NAV3: variants seen among roughly 807,000 people sequenced by gnomAD.
The protein encoded by NAV3 is neuron navigator 3.
Under a neutral mutation model 244.7 loss-of-function variants are expected in NAV3, and 87 were observed. The ratio of observed to expected loss-of-function variants is 0.36; its 90% CI spans 0.30 to 0.42. The LOEUF (loss-of-function observed/expected upper bound fraction) is 0.42, where lower values mean the gene tolerates loss of function less well. NAV3 is among the 20% of genes least tolerant of loss of function. The pLI, the probability that NAV3 is intolerant of heterozygous loss-of-function variation, is 1.00. For missense variants in NAV3, 2,663 were observed against 2,893.3 expected (o/e 0.92, Z 1.83); for synonymous variants, 1,126 against 1,042.2 (o/e 1.08, Z -1.55).
intron 12 of NAV3, among the ~76,000 whole-genome samples, chr12:78,095,095 A>G (rs1954178377): frequency 6.7e-6 from 1 of 149,970 alleles, no homozygotes; most frequent in Admixed American, 6.7e-5. Context: ...ACACATATAT[A>G]TATACACATA....
intron 1 of NAV3, among the ~76,000 whole-genome samples, chr12:77,934,328 C>T (rs1349566732): frequency 3.9e-5 from 6 of 152,158 alleles, no homozygotes; most frequent in Non-Finnish European, 7.4e-5. Context: ...CTCTATACAT[C>T]CTTCCTGTCC....
At chr12:77,836,746 T>C (rs1318458336) in intron 1 of NAV3, among the ~76,000 whole-genome samples, 11 of 152,220 alleles carry the variant, frequency 7.2e-5, no homozygotes, top group Admixed American at 7.2e-4. Flanking sequence ...TATTTAAGAT[T>C]ATTTCAAAGG....
intron 2 of NAV3, among the ~76,000 whole-genome samples, chr12:77,690,146 A>C (rs1208518545): frequency 1.3e-5 from 2 of 151,848 alleles, no homozygotes; most frequent in African/African-American, 4.8e-5. Flanking sequence ...GAAAAAATGC[A>C]GATTTTCAGT....
At chr12:78,110,216 C>A (rs1386165031) in intron 12 of NAV3, among the ~76,000 whole-genome samples, 2 of 151,668 alleles carry the variant, frequency 1.3e-5, no homozygotes, top group South Asian at 2.1e-4. Context: ...AATTAAAATA[C>A]CTGGGAATAA....
chr12:77,859,758 C>CAAAAAAAAAAAAAAAAA (rs61516625), intron 1 of NAV3, among the ~76,000 whole-genome samples: 1 of 68,722 alleles, frequency 1.5e-5, no homozygotes, highest in African/African-American at 4.9e-5. Context: ...CTTTCAAATG[C>CAAAAAAAAAAAAAAAAA]AAAAAAAAAA....
rs942407800 is a variant in NAV3, at chr12:77,930,377, G to A, written c.244-9942G>A. Among the ~76,000 whole-genome samples, 5 of 151,460 alleles carry A rather than the reference G, an allele frequency of 3.3e-5. No homozygotes were observed. In the East Asian group the frequency reaches 9.7e-4, roughly 29 times the overall value. On this transcript the variant is annotated intron_variant, in intron 1 of 39. Coordinates refer to ENST00000397909, the MANE Select transcript of NAV3 (RefSeq NM_001024383.2). Reference sequence around the variant, plus strand: ...CAGAGTTTGTTGTTTTTTTTCTATAGAGCTAATAATTGCCTCACTTTTTTA... The same window carrying A: ...CAGAGTTTGTTGTTTTTTTTCTATAAAGCTAATAATTGCCTCACTTTTTTA...
intron 2 of NAV3, among the ~76,000 whole-genome samples, chr12:77,615,196 A>G (rs529608320): frequency 1.3e-5 from 2 of 152,330 alleles, no homozygotes; most frequent in East Asian, 3.9e-4. Context: ...TTATTTTGTA[A>G]TTAGAAAAAT....
At chr12:77,997,824 A>G (rs775464976) in intron 6 of NAV3, among the ~76,000 whole-genome samples, 19 of 152,212 alleles carry the variant, frequency 1.2e-4, no homozygotes, top group Non-Finnish European at 1.5e-4. Flanking sequence ...TAAGTAACTT[A>G]GATACTCAGT....
chr12:77,919,313 TC>T (rs1887477255), intron 1 of NAV3, among the ~76,000 whole-genome samples: 2 of 152,014 alleles, frequency 1.3e-5, no homozygotes, highest in Non-Finnish European at 1.5e-5. Flanking sequence ...TCCACATTAG[TC>T]CCACCAAATG....
chr12:78,183,163 CA>C (rs1435404507), intron 30 of NAV3, among the ~76,000 whole-genome samples: 1 of 151,706 alleles, frequency 6.6e-6, no homozygotes, highest in Non-Finnish European at 1.5e-5. Flanking sequence ...TAGTAAAAAA[CA>C]AAACAAAACA....
At chr12:77,584,871 A>G (rs914622079) in intron 2 of NAV3, among the ~76,000 whole-genome samples, 5 of 152,162 alleles carry the variant, frequency 3.3e-5, no homozygotes, top group Non-Finnish European at 7.4e-5. Context: ...TGTAGGGTAA[A>G]AGGATTGTCA....
chr12:77,869,178 G>T (rs374298336), intron 1 of NAV3, among the ~76,000 whole-genome samples: 2 of 152,092 alleles, frequency 1.3e-5, no homozygotes. Flanking sequence ...TCAGTTCTTA[G>T]ATTTACCTCT....
At chr12:77,626,078 AATC>A (rs1871606089) in intron 2 of NAV3, among the ~76,000 whole-genome samples, 2 of 152,304 alleles carry the variant, frequency 1.3e-5, no homozygotes, top group African/African-American at 4.8e-5. Context: ...CTAAATGAAA[AATC>A]AACAAAGAGA....
chr12:77,678,544 C>T (rs1284093477), intron 2 of NAV3, among the ~76,000 whole-genome samples: 2 of 152,110 alleles, frequency 1.3e-5, no homozygotes, highest in Non-Finnish European at 1.5e-5. Flanking sequence ...ACAGGAATCC[C>T]CTACTTCCTT....
intron 22 of NAV3, among the ~76,000 whole-genome samples, chr12:78,155,335 C>T (rs1957260396): frequency 6.6e-6 from 1 of 152,056 alleles, no homozygotes; most frequent in South Asian, 2.1e-4. Context: ...CATCCATGTC[C>T]CTCCAAAGGA....
chr12:77,854,587 A>ATG (rs111504963), intron 1 of NAV3, among the ~76,000 whole-genome samples: 63,600 of 128,336 alleles, frequency 0.5, 14,060 homozygotes, highest in Non-Finnish European at 0.6. Flanking sequence ...GTATGTGTGT[A>ATG]TGTGTGTGTG....
intron 2 of NAV3, among the ~76,000 whole-genome samples, chr12:77,728,956 T>A (rs1376646276): frequency 1.3e-5 from 2 of 151,992 alleles, no homozygotes; most frequent in African/African-American, 4.8e-5. Flanking sequence ...ATGAAGACCT[T>A]TATGATAGTC....
chr12:77,812,128 A>G (rs28635486), intron 2 of NAV3, among the ~76,000 whole-genome samples: 3,301 of 152,268 alleles, frequency 0.022, 116 homozygotes, highest in African/African-American at 0.076. Flanking sequence ...CTTTGAAACA[A>G]CAGCCCATAT....
intron 9 of NAV3, among the ~76,000 whole-genome samples, chr12:78,031,296 G>T (rs1176384543): frequency 6.6e-6 from 1 of 152,078 alleles, no homozygotes; most frequent in Non-Finnish European, 1.5e-5. Context: ...TTGTGTGTCT[G>T]GTATCCATTG....
Sources: allele counts gnomAD v4.1 joint callset (sites outside exome capture counted in the v4.1 genomes callset), GRCh38; gene constraint gnomAD v4.1.1; transcripts MANE v1.5; gene names NCBI Gene and HGNC (gene_info 2026-07-23, HGNC 2026-07-21).